The following ADAMTSL1 variants were observed in gnomAD, a reference collection of about 807,000 sequenced individuals.
The protein encoded by ADAMTSL1 is ADAMTS-like protein 1.
Under a neutral mutation model 201.8 loss-of-function variants are expected in ADAMTSL1, and 126 were observed. The ratio of observed to expected loss-of-function variants is 0.62; its 90% confidence interval spans 0.54 to 0.72. ADAMTSL1 has a LOEUF of 0.72. Ranked by LOEUF, ADAMTSL1 falls within the 30% of genes least tolerant of loss-of-function variation. ADAMTSL1 has a pLI of 0.00. For synonymous variants in ADAMTSL1, 1,121 were observed against 903.4 expected (o/e 1.24, Z -4.32); for missense variants, 2,679 against 2,277.8 (o/e 1.18, Z -3.59).
Position 18,287,653 on chromosome 9 carries a change from A to ACATAAATATAT in ADAMTSL1, c.207+123672_207+123673insCATAAATATAT, listed in dbSNP as rs1288704753. Among the ~76,000 whole-genome samples the ACATAAATATAT allele has an allele frequency of 1.4e-3, 71 of 49,936 alleles. 2 individuals carry two copies. In the East Asian group the frequency reaches 0.016, roughly 12 times the overall value. 32.8% of individuals were successfully genotyped at this position (49,936 alleles called of 152,430 possible). A position where few individuals can be genotyped will look rare whatever the true frequency, so the allele number is the denominator to read the frequency against. On this transcript the variant is annotated intron_variant, in intron 2 of 29. Coordinates refer to the ADAMTSL1 transcript ENST00000680146. The stretch of plus-strand genomic sequence containing the variant: ...TACGCATATATGTATGTGTATACAT[A>ACATAAATATAT]TACACATATATGTATGTGTATACAT...
chr9:18,354,261 C>G (rs1348159041), intron 2 of ADAMTSL1, among the ~76,000 whole-genome samples: 1 of 151,622 alleles, frequency 6.6e-6, no homozygotes, highest in Non-Finnish European at 1.5e-5. Flanking sequence ...TATTGATATT[C>G]TTTTAGATAT....
chr9:17,960,448 G>T (rs1025626884), intron 1 of ADAMTSL1, among the ~76,000 whole-genome samples: 3 of 152,186 alleles, frequency 2.0e-5, no homozygotes, highest in Non-Finnish European at 4.4e-5. Flanking sequence ...CTTGGTCATT[G>T]TTATAGAAAG....
At chr9:18,475,126 C>T (rs899987245) in intron 1 of ADAMTSL1, among the ~76,000 whole-genome samples, 2 of 152,150 alleles carry the variant, frequency 1.3e-5, no homozygotes, top group African/African-American at 2.4e-5. Flanking sequence ...TCTGGGCAGG[C>T]AGCTTAGTAA....
intron 10 of ADAMTSL1, among the ~76,000 whole-genome samples, chr9:18,677,670 T>C (rs1298154328): frequency 8.5e-5 from 13 of 152,076 alleles, no homozygotes; most frequent in Non-Finnish European, 1.8e-4. Flanking sequence ...AAAATTGATT[T>C]CTTATAGGTT....
chr9:18,848,296 AG>A (rs1356002640), intron 23 of ADAMTSL1, among the ~76,000 whole-genome samples: 2 of 152,254 alleles, frequency 1.3e-5, no homozygotes, highest in Non-Finnish European at 2.9e-5. Flanking sequence ...AATGATTCTC[AG>A]GGATTGAGGA....
chr9:17,922,810 G>A (rs1426939032), intron 1 of ADAMTSL1, among the ~76,000 whole-genome samples: 3 of 152,128 alleles, frequency 2.0e-5, no homozygotes, highest in South Asian at 4.1e-4. Context: ...CCAGTTTAAA[G>A]TGTCTTTATT....
At chr9:18,605,300 C>A (rs1208883963) in intron 4 of ADAMTSL1, among the ~76,000 whole-genome samples, 1 of 152,164 alleles carries the variant, frequency 6.6e-6, no homozygotes, top group Non-Finnish European at 1.5e-5. Context: ...CAGGCTGAAT[C>A]CACATCTGCA....
chr9:17,953,176 T>C (rs1050197371), intron 1 of ADAMTSL1, among the ~76,000 whole-genome samples: 1 of 152,176 alleles, frequency 6.6e-6, no homozygotes, highest in African/African-American at 2.4e-5. Context: ...ACTGCTGCTG[T>C]TGATGCTCAG....
At chr9:18,836,529 C>T (rs1343444899) in intron 23 of ADAMTSL1, among the ~76,000 whole-genome samples, 1 of 152,026 alleles carries the variant, frequency 6.6e-6, no homozygotes, top group African/African-American at 2.4e-5. Context: ...AGTTGGGTGG[C>T]ATGATGCTTC....
In ADAMTSL1 at chr9:18,576,414, C is replaced by T. The variant is rs148690839; in HGVS notation, c.474+2148C>T. ...GGTAAACCATGGATGACCATAGTCTCACCTTGATAGAAAATGACAGCATAG... is the reference window on the plus strand; with the variant it reads ...GGTAAACCATGGATGACCATAGTCTTACCTTGATAGAAAATGACAGCATAG... On this transcript the variant is annotated intron_variant, in intron 4 of 28. Transcript: ENST00000380548. Among the ~76,000 whole-genome samples the T allele has an allele frequency of 8.6e-3, 1,306 of 152,270 alleles. 27 individuals carry two copies. The highest frequency in any genetic ancestry group is 0.03 in the African/African-American group (1,227 of 41,536).
chr9:18,414,430 T>G (rs2133329674), intron 2 of ADAMTSL1, among the ~76,000 whole-genome samples: 1 of 152,318 alleles, frequency 6.6e-6, no homozygotes, highest in African/African-American at 2.4e-5. Context: ...AATAATAGTT[T>G]CCACTTCTGG....
intron 2 of ADAMTSL1, among the ~76,000 whole-genome samples, chr9:18,370,394 C>G (rs1836990863): frequency 6.6e-6 from 1 of 152,040 alleles, no homozygotes; most frequent in African/African-American, 2.4e-5. Flanking sequence ...ACTAGAAGCC[C>G]AAACCTCACC....
intron 2 of ADAMTSL1, among the ~76,000 whole-genome samples, chr9:18,172,401 A>T (rs1340388353): frequency 6.6e-6 from 1 of 152,128 alleles, no homozygotes. Flanking sequence ...TACTCATCAT[A>T]AGGGATTTAC....
intron 2 of ADAMTSL1, among the ~76,000 whole-genome samples, chr9:18,381,748 A>G (rs1461287826): frequency 6.6e-6 from 1 of 152,008 alleles, no homozygotes; most frequent in Non-Finnish European, 1.5e-5. Context: ...AATTTTTAAA[A>G]CTATGTATCA....
intron 2 of ADAMTSL1, among the ~76,000 whole-genome samples, chr9:18,376,309 A>G (rs1210754857): frequency 2.0e-5 from 3 of 152,248 alleles, no homozygotes; most frequent in Non-Finnish European, 1.5e-5. Flanking sequence ...ACAGATATGT[A>G]TAATGCAAGA....
At chr9:18,639,124 CAATTTT>C in intron 6 of ADAMTSL1, 124 bp from the exon 7 acceptor site, 1 of 821,468 alleles carries the variant, frequency 1.2e-6, no homozygotes, top group Non-Finnish European at 1.9e-6. Flanking sequence ...ATCACAATTT[CAATTTT>C]GTCAGCTATA....
intron 20 of ADAMTSL1, among the ~76,000 whole-genome samples, chr9:18,809,938 G>C (rs1823399592): frequency 6.6e-6 from 1 of 152,202 alleles, no homozygotes; most frequent in Non-Finnish European, 1.5e-5. Flanking sequence ...AGTGAGGGAA[G>C]AGTGAAAGTC....
At chr9:17,950,698 A>C (rs2772693) in intron 1 of ADAMTSL1, among the ~76,000 whole-genome samples, 1 of 151,940 alleles carries the variant, frequency 6.6e-6, no homozygotes, top group East Asian at 1.9e-4. Context: ...GCATTTCTCT[A>C]CTGATAAACA....
intron 11 of ADAMTSL1, 142 bp downstream of exon 11, chr9:18,680,658 G>T: frequency 3.6e-6 from 3 of 828,778 alleles, no homozygotes; most frequent in Non-Finnish European, 5.7e-6. Flanking sequence ...CCTGGAGTAG[G>T]AATGCCCCAA....
Sources: gnomAD v4.1 joint callset for allele counts (sites outside exome capture counted in the v4.1 genomes callset) on GRCh38, gnomAD v4.1.1 for gene constraint, MANE v1.5 for transcripts, NCBI Gene and HGNC (gene_info 2026-07-23, HGNC 2026-07-21) for gene names.